Variants in SPTLC1 observed in about 807,000 individuals in gnomAD.
The protein encoded by SPTLC1 is serine palmitoyltransferase long chain base subunit 1.
In SPTLC1, 55 loss-of-function variants were observed where a neutral mutation model predicts 68.9. That is an observed-to-expected ratio of 0.80 (90% CI 0.64 to 1.00). SPTLC1 has a LOEUF of 1.00. Ranked by LOEUF, SPTLC1 falls within the 50% of genes least tolerant of loss-of-function variation. The probability of loss-of-function intolerance (pLI) is 0.00; values close to 1 mark genes in which losing one functional copy is unlikely to be tolerated. For missense variants in SPTLC1, 449 were observed against 573.1 expected (o/e 0.78, Z 2.21); for synonymous variants, 197 against 201.6 (o/e 0.98, Z 0.19).
intron 14 of SPTLC1, among the ~76,000 whole-genome samples, chr9:92,033,153 G>C (rs1033476040): frequency 6.6e-6 from 1 of 152,222 alleles, no homozygotes; most frequent in African/African-American, 2.4e-5. Flanking sequence ...CACCCAGTCA[G>C]AGTGAGTTTC....
chr9:92,049,179 T>A (rs1239938334), intron 9 of SPTLC1, among the ~76,000 whole-genome samples: 1 of 152,206 alleles, frequency 6.6e-6, no homozygotes, highest in Admixed American at 6.5e-5. Context: ...TCTGGGACTA[T>A]ATGGTTAGCG....
At chr9:92,106,716 G>A (rs371978380) in intron 3 of SPTLC1, among the ~76,000 whole-genome samples, 1 of 151,914 alleles carries the variant, frequency 6.6e-6, no homozygotes, top group Admixed American at 6.6e-5. Context: ...CTCTTCCCTG[G>A]CTCTTCCCAC....
At chr9:92,078,128 AAAC>A (rs935531245) in intron 5 of SPTLC1, among the ~76,000 whole-genome samples, 7 of 152,024 alleles carry the variant, frequency 4.6e-5, no homozygotes, top group African/African-American at 1.7e-4. Context: ...TTACCCTCCC[AAAC>A]AACTTCTTTA....
chr9:92,082,037 C>G (rs1834903636), intron 3 of SPTLC1, among the ~76,000 whole-genome samples: 1 of 152,092 alleles, frequency 6.6e-6, no homozygotes, highest in Non-Finnish European at 1.5e-5. Context: ...TCAGAGAGAT[C>G]CCCTCTGTAT....
intron 5 of SPTLC1, chr9:92,079,469 A>T: frequency 1.9e-6 from 3 of 1,612,302 alleles, no homozygotes; most frequent in Non-Finnish European, 2.5e-6. Context: ...ACTCCCAGGG[A>T]ATTCACTGTA....
chr9:92,095,969 G>A (rs754438527), intron 3 of SPTLC1, among the ~76,000 whole-genome samples: 5 of 152,230 alleles, frequency 3.3e-5, no homozygotes, highest in Non-Finnish European at 5.9e-5. Flanking sequence ...CCACCCTGAA[G>A]AAGTGCTCTC....
chr9:92,034,106 C>T (rs893617157), intron 14 of SPTLC1, among the ~76,000 whole-genome samples: 5 of 152,202 alleles, frequency 3.3e-5, no homozygotes, highest in African/African-American at 4.8e-5. Flanking sequence ...TGGAAAGCCA[C>T]GATGCCCACA....
rs1833230188 is a variant in SPTLC1, at chr9:92,038,564, T to A, written c.1137-199A>T. ...GGCAGTGCTTCCTCATCTAAAAAAG[T>A]CTGCCTGCAATGTGGCTTCCTGAGT... On this transcript the variant is annotated intron_variant, in intron 12 of 14. Transcript: ENST00000262554. The A allele has an allele frequency of 4.9e-6, 3 of 609,098 alleles. No homozygotes were observed. The South Asian group carries it at 5.4e-5, about 11-fold the overall frequency. The allele number at this position is 609,098 out of a possible 1,614,324, so 37.7% of individuals were successfully genotyped here. A position where few individuals can be genotyped will look rare whatever the true frequency, so the allele number is the denominator to read the frequency against.
intron 12 of SPTLC1, among the ~76,000 whole-genome samples, chr9:92,038,837 T>C (rs1171491344): frequency 6.6e-6 from 1 of 152,250 alleles, no homozygotes; most frequent in East Asian, 1.9e-4. Flanking sequence ...CCTGTCTGGA[T>C]CCTTCACAAG....
chr9:92,060,473 A>C (rs1415268941), intron 6 of SPTLC1, among the ~76,000 whole-genome samples: 1 of 152,238 alleles, frequency 6.6e-6, no homozygotes, highest in East Asian at 1.9e-4. Flanking sequence ...CTCAGTGATG[A>C]AATGGAAGAT....
chr9:92,114,533 C>A (rs554696774), intron 1 of SPTLC1, among the ~76,000 whole-genome samples: 1 of 152,098 alleles, frequency 6.6e-6, no homozygotes, highest in South Asian at 2.1e-4. Flanking sequence ...GTCGGGAGTT[C>A]GAGACCAGCC....
chr9:92,032,431 T>G lies in SPTLC1; in HGVS notation c.*34A>C. 1.2e-6 allele frequency: 2 copies of G among 1,614,054 alleles called. No homozygotes were observed. Among genetic ancestry groups the G allele is most frequent in the Non-Finnish European group, 1.7e-6 (2 of 1,180,022 alleles). On this transcript the variant is annotated 3_prime_UTR_variant, in exon 15 of 15. Coordinates refer to ENST00000262554, the MANE Select transcript of SPTLC1 (RefSeq NM_006415.4). The stretch of plus-strand genomic sequence containing the variant: ...GGAGTCTTGAGTCCTCTCTGCGTGT[T>G]GTGTGGCAGGAGGCCATGGTCCCGG...
In SPTLC1 at chr9:92,046,008, G is replaced by T; in HGVS notation, c.1127C>A (p.Ala376Asp). 1 of 1,613,134 alleles carries T rather than the reference G, an allele frequency of 6.2e-7. No individual in the cohort carries two copies. Among genetic ancestry groups the T allele is most frequent in the South Asian group, 1.1e-5 (1 of 91,000 alleles). Reference protein sequence around the residue: ...LKEKCGQIHKALQGISGLKVV... With the variant: ...LKEKCGQIHKDLQGISGLKVV... Reference sequence around the variant, plus strand: ...AATATATAAAACTCACCCTTGTAAAGCTTTATGAATTTGTCCGCACTTTTC... The same window carrying T: ...AATATATAAAACTCACCCTTGTAAATCTTTATGAATTTGTCCGCACTTTTC... Residue 376 changes from alanine (A) to aspartate (D), a missense_variant, in exon 12 of 15, where the codon GCT becomes GAT. Around this residue, in one of 3 missense-constraint regions of SPTLC1, gnomAD observed 391 missense variants for 472.1 expected, o/e 0.83. Transcript: ENST00000262554.
intron 6 of SPTLC1, among the ~76,000 whole-genome samples, chr9:92,067,167 C>A (rs1203898419): frequency 6.6e-6 from 1 of 151,424 alleles, no homozygotes; most frequent in Non-Finnish European, 1.5e-5. Context: ...GGCATGGTGG[C>A]GCATGCCTGT....
intron 3 of SPTLC1, among the ~76,000 whole-genome samples, chr9:92,089,623 T>A (rs1197940306): frequency 1.3e-5 from 2 of 152,058 alleles, no homozygotes; most frequent in African/African-American, 4.8e-5. Context: ...ATATGAAGGT[T>A]AAAAGTACAC....
Position 92,041,325 on chromosome 9 carries a change from G to A in SPTLC1, c.1137-2960C>T, listed in dbSNP as rs748457508. ...CTTTAATATATTTATTGGAAAATAC[G>A]AAATAAAACCAAAAGCTAAATGTAA... On this transcript the variant is annotated intron_variant, in intron 12 of 14. Transcript: ENST00000262554. 1.1e-4 allele frequency among the ~76,000 whole-genome samples: 17 copies of A among 152,134 alleles called. 1 individual carries two copies. The highest frequency in any genetic ancestry group is 6.8e-3 in the Middle Eastern group (2 of 294).
At chr9:92,044,414 T>C (rs1407309334) in intron 12 of SPTLC1, among the ~76,000 whole-genome samples, 1 of 152,132 alleles carries the variant, frequency 6.6e-6, no homozygotes, top group Non-Finnish European at 1.5e-5. Context: ...ATCAAGAAGA[T>C]GAGCTCTGAA....
At chr9:92,054,390 C>T (rs114679541) in intron 8 of SPTLC1, among the ~76,000 whole-genome samples, 3,201 of 152,306 alleles carry the variant, frequency 0.021, 104 homozygotes, top group African/African-American at 0.074. Flanking sequence ...AGATTAATGG[C>T]TGTCTGGGGC....
chr9:92,083,042 T>C (rs1587957598), intron 3 of SPTLC1, among the ~76,000 whole-genome samples: 1 of 152,108 alleles, frequency 6.6e-6, no homozygotes, highest in East Asian at 1.9e-4. Context: ...TGTCTTCTTT[T>C]GAGAAGTGTC....
Sources: gnomAD v4.1 joint callset for allele counts (sites outside exome capture counted in the v4.1 genomes callset) on GRCh38, gnomAD v4.1.1 for gene constraint, gnomAD v4.1.1 regional missense constraint, MANE v1.5 for transcripts, NCBI Gene and HGNC (gene_info 2026-07-23, HGNC 2026-07-21) for gene names.